PRKCB: variants seen among roughly 807,000 people sequenced by gnomAD.
The protein encoded by PRKCB is protein kinase C beta type.
In PRKCB, 13 loss-of-function variants were observed where a neutral mutation model predicts 81.5. That is an observed-to-expected ratio of 0.16 (90% CI 0.10 to 0.25). PRKCB has a LOEUF of 0.25. Ranked by LOEUF, PRKCB falls within the 10% of genes least tolerant of loss-of-function variation. The pLI is 1.00. For missense variants in PRKCB, 509 were observed against 875.7 expected, an observed-to-expected ratio of 0.58 and a Z score of 5.29; for synonymous variants, 335 against 321.4, an observed-to-expected ratio of 1.04 and a Z score of -0.45.
In PRKCB at chr16:24,218,544, A is replaced by G. The variant is rs1968269266; in HGVS notation, c.*3728A>G. 1 of 985,438 alleles carries G rather than the reference A, an allele frequency of 1.0e-6. No individual in the cohort carries two copies. The highest frequency in any genetic ancestry group is 1.2e-6 in the Non-Finnish European group (1 of 829,930). The allele number at this position is 985,438 out of a possible 1,614,324, so 61.0% of individuals were successfully genotyped here. ...CACACCCTCACATAGACTTGGCAAG[A>G]GTAAGGAGGGAACTCCATAGAGACA... On this transcript the variant is annotated 3_prime_UTR_variant, in exon 17 of 17. Transcript: ENST00000643927.
chr16:23,987,020 A>G (rs1004264537), intron 2 of PRKCB, among the ~76,000 whole-genome samples: 1 of 152,226 alleles, frequency 6.6e-6, no homozygotes, highest in Non-Finnish European at 1.5e-5. Context: ...TAATATCAGT[A>G]ACAATAATTC....
At chr16:23,873,193 A>AT (rs1962938923) in intron 2 of PRKCB, among the ~76,000 whole-genome samples, 1 of 81,382 alleles carries the variant, frequency 1.2e-5, no homozygotes, top group East Asian at 3.4e-4. Context: ...CACACACAAA[A>AT]AAAAAAAAAA....
At chr16:23,942,527 G>A (rs1432465604) in intron 2 of PRKCB, among the ~76,000 whole-genome samples, 2 of 152,190 alleles carry the variant, frequency 1.3e-5, no homozygotes, top group Non-Finnish European at 2.9e-5. Context: ...GATATGGATA[G>A]CAACTCGATT....
chr16:24,008,838 G>A (rs530081768), intron 3 of PRKCB, among the ~76,000 whole-genome samples: 2 of 152,226 alleles, frequency 1.3e-5, no homozygotes, highest in African/African-American at 2.4e-5. Context: ...ATGCCCATTG[G>A]TAAGTAATTC....
At chr16:23,920,095 G>A (rs1963802610) in intron 2 of PRKCB, among the ~76,000 whole-genome samples, 1 of 152,200 alleles carries the variant, frequency 6.6e-6, no homozygotes, top group African/African-American at 2.4e-5. Context: ...CATAGTGGCT[G>A]CACCATTTTG....
At chr16:23,975,030 G>A in intron 2 of PRKCB, among the ~76,000 whole-genome samples, 1 of 152,190 alleles carries the variant, frequency 6.6e-6, no homozygotes, top group East Asian at 1.9e-4. Context: ...CGTGGAGAAA[G>A]GATGGCTTCC....
intron 2 of PRKCB, among the ~76,000 whole-genome samples, chr16:23,919,895 CATTT>C (rs573276820): frequency 6.0e-4 from 91 of 152,272 alleles, no homozygotes; most frequent in Non-Finnish European, 1.1e-3. Context: ...TTTATCCATT[CATTT>C]GTCAATGGAC....
At chr16:24,201,363 A>G (rs1376867201) in intron 16 of PRKCB, among the ~76,000 whole-genome samples, 1 of 152,202 alleles carries the variant, frequency 6.6e-6, no homozygotes, top group Non-Finnish European at 1.5e-5. Context: ...ACATTTATCT[A>G]TATCCCTTAG....
intron 3 of PRKCB, among the ~76,000 whole-genome samples, chr16:24,005,289 A>G (rs1596507419): frequency 6.6e-6 from 1 of 152,194 alleles, no homozygotes; most frequent in East Asian, 1.9e-4. Context: ...ATATAAAAAT[A>G]TATACACATG....
intron 7 of PRKCB, among the ~76,000 whole-genome samples, chr16:24,100,772 A>C (rs1240858222): frequency 6.6e-6 from 1 of 152,204 alleles, no homozygotes; most frequent in Admixed American, 6.5e-5. Flanking sequence ...AGTGCCAGCC[A>C]AGCTGAAGGA....
intron 2 of PRKCB, among the ~76,000 whole-genome samples, chr16:23,931,031 T>A (rs1441172475): frequency 6.6e-6 from 1 of 152,224 alleles, no homozygotes; most frequent in East Asian, 1.9e-4. Context: ...CATGGGCTTA[T>A]CCCCTGGAGC....
At chr16:23,951,226 G>T (rs367553469) in intron 2 of PRKCB, among the ~76,000 whole-genome samples, 1 of 152,166 alleles carries the variant, frequency 6.6e-6, no homozygotes, top group African/African-American at 2.4e-5. Context: ...CTAGACCTGC[G>T]TTCTTCCATC....
intron 2 of PRKCB, among the ~76,000 whole-genome samples, chr16:23,882,021 T>TCTTCCTTCCTTCCTTCCTTCCTTCCTTC (rs1159121217): frequency 5.4e-5 from 3 of 55,592 alleles, no homozygotes; most frequent in African/African-American, 1.8e-4. Flanking sequence ...TTTCTTTCTT[T>TCTTCCTTCCTTCCTTCCTTCCTTCCTTC]CTTCCTTCCT....
intron 3 of PRKCB, among the ~76,000 whole-genome samples, chr16:24,025,031 A>T (rs1451012865): frequency 2.0e-5 from 3 of 152,106 alleles, no homozygotes; most frequent in Non-Finnish European, 4.4e-5. Flanking sequence ...ATGATCCCTC[A>T]TGAAAGCGGA....
At chr16:24,120,501 C>G (rs1466166316) in intron 8 of PRKCB, among the ~76,000 whole-genome samples, 1 of 152,026 alleles carries the variant, frequency 6.6e-6, no homozygotes, top group African/African-American at 2.4e-5. Flanking sequence ...TGAAATCACA[C>G]CGGTCATCTC....
chr16:23,866,882 G>A (rs1407919084), intron 2 of PRKCB, among the ~76,000 whole-genome samples: 2 of 151,896 alleles, frequency 1.3e-5, no homozygotes, highest in African/African-American at 4.8e-5. Flanking sequence ...GAGAAAAATG[G>A]CATTTAATTT....
In PRKCB at chr16:24,051,397, G is replaced by A. The variant is rs140800237; in HGVS notation, c.529+15850G>A. ...CTTTTACCTGGGGTAATTAGCACAG[G>A]CTGGCCCAGAGTGTAAGAGCCCCAT... On this transcript the variant is annotated intron_variant, in intron 5 of 16. Coordinates refer to ENST00000643927, the MANE Select transcript of PRKCB (RefSeq NM_002738.7). Among the ~76,000 whole-genome samples the A allele has an allele frequency of 1.9e-3, 292 of 152,280 alleles. 4 individuals carry two copies. The highest frequency in any genetic ancestry group is 6.4e-3 in the African/African-American group (264 of 41,554).
intron 9 of PRKCB, among the ~76,000 whole-genome samples, chr16:24,125,106 TG>T (rs1966840733): frequency 1.6e-5 from 1 of 63,758 alleles, no homozygotes; most frequent in Non-Finnish European, 2.7e-5. Flanking sequence ...ATCCCAATCT[TG>T]TTACCTATAA....
At chr16:24,133,707 A>T (rs375624) in intron 9 of PRKCB, among the ~76,000 whole-genome samples, 58,798 of 151,922 alleles carry the variant, frequency 0.39, 11,909 homozygotes, top group African/African-American at 0.51. Flanking sequence ...ATATTAATTC[A>T]CACCATAATC....
Sources: allele counts gnomAD v4.1 joint callset (sites outside exome capture counted in the v4.1 genomes callset), GRCh38; gene constraint gnomAD v4.1.1; transcripts MANE v1.5; gene names NCBI Gene and HGNC (gene_info 2026-07-23, HGNC 2026-07-21).